The following EPHA5 variants were observed in gnomAD, a reference collection of about 807,000 sequenced individuals.
The protein encoded by EPHA5 is EPH receptor A5.
Under a neutral mutation model 105.0 loss-of-function variants are expected in EPHA5, and 60 were observed. The observed-to-expected ratio is 0.57, with a 90% CI of 0.46 to 0.71. EPHA5 has a LOEUF of 0.71. EPHA5 is among the 30% of genes least tolerant of loss of function. The pLI, the probability that EPHA5 is intolerant of heterozygous loss-of-function variation, is 0.00. For synonymous variants in EPHA5, 513 were observed against 449.1 expected (o/e 1.14, Z -1.80); for missense variants, 1,218 against 1,274.7 (o/e 0.96, Z 0.68).
intron 3 of EPHA5, among the ~76,000 whole-genome samples, chr4:65,532,798 C>T (rs186996893): frequency 7.9e-5 from 12 of 151,612 alleles, no homozygotes; most frequent in African/African-American, 2.9e-4. Flanking sequence ...ACTTTCAGAT[C>T]TCAAGTATTT....
At chr4:65,613,936 T>G (rs571233643) in intron 2 of EPHA5, among the ~76,000 whole-genome samples, 2 of 152,128 alleles carry the variant, frequency 1.3e-5, no homozygotes, top group Admixed American at 1.3e-4. Flanking sequence ...ATTTACAGAA[T>G]TTTTTATCTA....
rs568560646 is a variant in EPHA5 at position 65,588,538 on chromosome 4, C to T, written c.910+13103G>A. Among the ~76,000 whole-genome samples the T allele has an allele frequency of 1.9e-4, 29 of 152,204 alleles. No individual in the cohort carries two copies. The East Asian group carries it at 5.6e-3, about 30-fold the overall frequency. Reference sequence around the variant, plus strand: ...GGTTGCCCTTGGCTAAGACTTTCCCCTTCATCAGATTTTTACCAGAAGTCG... The same window carrying T: ...GGTTGCCCTTGGCTAAGACTTTCCCTTTCATCAGATTTTTACCAGAAGTCG... On this transcript the variant is annotated intron_variant, in intron 3 of 16. Coordinates refer to ENST00000613740, the MANE Select transcript of EPHA5 (RefSeq NM_001281766.3).
intron 3 of EPHA5, among the ~76,000 whole-genome samples, chr4:65,551,173 G>T (rs1737865057): frequency 1.7e-5 from 1 of 59,288 alleles, no homozygotes; most frequent in African/African-American, 7.9e-5. Context: ...CCAAACATAA[G>T]TAGGTTTGGA....
In EPHA5 at chr4:65,351,470, G is replaced by A. The variant is rs2148854653; in HGVS notation, c.2364C>T (p.Asn788=). The A allele has an allele frequency of 6.2e-7, 1 of 1,613,774 alleles. No individual in the cohort carries two copies. The highest frequency in any genetic ancestry group is 8.5e-7 in the Non-Finnish European group (1 of 1,179,836). Residue 788 remains asparagine (N), a synonymous_variant, in exon 13 of 17, where the codon AAC becomes AAT. Transcript: ENST00000613740. The part of the protein sequence containing the change: ...RDLAARNILI[N]SNLVCKVSDF... ...CAGACACTTTGCACACAAGGTTACT[G>A]TTGATTAAGATGTTTCTGGCAGCAA...
At position 65,496,536 on chromosome 4, in the gene EPHA5, A is replaced by G. The variant is rs539560704; in HGVS notation, c.911-993T>C. Among the ~76,000 whole-genome samples the G allele has an allele frequency of 5.9e-5, 9 of 151,810 alleles. No homozygotes were observed. In the South Asian group the frequency reaches 1.9e-3, roughly 32 times the overall value. ...AGAATGATGATTTCCAATTTCATCC[A>G]TGTCCCTACAAAGGACATGAACTCA... On this transcript the variant is annotated intron_variant, in intron 3 of 16. Transcript: ENST00000613740.
intron 8 of EPHA5, among the ~76,000 whole-genome samples, chr4:65,400,048 C>T (rs1236455280): frequency 6.6e-6 from 1 of 152,078 alleles, no homozygotes; most frequent in Non-Finnish European, 1.5e-5. Flanking sequence ...TATCAATAAT[C>T]ATATTTAAAG....
chr4:65,609,783 A>G (rs1419215541), intron 2 of EPHA5, among the ~76,000 whole-genome samples: 1 of 152,084 alleles, frequency 6.6e-6, no homozygotes, highest in Non-Finnish European at 1.5e-5. Context: ...TATCAGATAA[A>G]ATACACACAA....
rs1743778715 is a variant in EPHA5 at position 65,601,943 on chromosome 4, C to A, written c.608G>T (p.Gly203Val). Reference sequence around the variant, plus strand: ...ATAAAATCCCTTTTTGCTTAGAGGTCCTACATCTCTGACCTCTGTATTCAG... The same window carrying A: ...ATAAAATCCCTTTTTGCTTAGAGGTACTACATCTCTGACCTCTGTATTCAG... The part of the protein sequence containing the change: ...MKLNTEVRDV[G>V]PLSKKGFYLA... Residue 203 changes from glycine (G) to valine (V), a missense_variant, in exon 3 of 17, where the codon GGA becomes GTA. By Grantham distance (109) the Gly-to-Val change is moderately radical. Around this residue, in one of 3 missense-constraint regions of EPHA5, gnomAD observed 971 missense variants for 1,013.5 expected, o/e 0.96. Coordinates refer to ENST00000613740, the MANE Select transcript of EPHA5 (RefSeq NM_001281766.3). The A allele has an allele frequency of 6.2e-7, 1 of 1,614,004 alleles. No individual in the cohort carries two copies. The highest frequency in any genetic ancestry group is 8.5e-7 in the Non-Finnish European group (1 of 1,180,030).
At chr4:65,538,029 T>C (rs1736457716) in intron 3 of EPHA5, among the ~76,000 whole-genome samples, 1 of 151,710 alleles carries the variant, frequency 6.6e-6, no homozygotes, top group South Asian at 2.1e-4. Context: ...AAAAATAAAA[T>C]AACATTCCCT....
chr4:65,578,351 G>A (rs745826016), intron 3 of EPHA5, among the ~76,000 whole-genome samples: 19 of 152,054 alleles, frequency 1.2e-4, no homozygotes, highest in East Asian at 5.8e-4. Context: ...TTTCCATCTC[G>A]TTTTCTTCTA....
chr4:65,428,592 G>A (rs1578096585), intron 5 of EPHA5, among the ~76,000 whole-genome samples: 1 of 151,976 alleles, frequency 6.6e-6, no homozygotes, highest in Non-Finnish European at 1.5e-5. Context: ...CCAAAACCTG[G>A]CCTTAAATGT....
intron 2 of EPHA5, among the ~76,000 whole-genome samples, chr4:65,621,855 C>T: frequency 6.6e-6 from 1 of 151,982 alleles, no homozygotes; most frequent in East Asian, 1.9e-4. Flanking sequence ...CTACGTATGT[C>T]TGTGTGTCTG....
intron 6 of EPHA5, among the ~76,000 whole-genome samples, chr4:65,418,512 AT>A (rs1419626648): frequency 6.6e-6 from 1 of 152,142 alleles, no homozygotes; most frequent in Admixed American, 6.5e-5. Flanking sequence ...CTCTAAGAGC[AT>A]TTTTGGTGAA....
chr4:65,437,014 T>A (rs2149076589), intron 5 of EPHA5, among the ~76,000 whole-genome samples: 1 of 152,148 alleles, frequency 6.6e-6, no homozygotes, highest in South Asian at 2.1e-4. Context: ...GGTGTGCTAA[T>A]TTTTATAAGT....
Position 65,669,984 on chromosome 4 carries a change from A to G in EPHA5, c.-242T>C. ...AAATGAAATATTAGTTCTGGTTGCT[A>G]GTGCAGATCTGGACTCGGATCAAGG... On this transcript the variant is annotated 5_prime_UTR_variant, in exon 1 of 17. Transcript: ENST00000613740. The G allele has an allele frequency of 2.0e-6, 1 of 498,246 alleles. No homozygotes were observed. 30.9% of individuals were successfully genotyped at this position (498,246 alleles called of 1,614,324 possible).
Position 65,398,075 on chromosome 4 carries a change from C to A in EPHA5, c.1793+6299G>T, listed in dbSNP as rs532574464. Among the ~76,000 whole-genome samples, 3 of 152,286 alleles carry A rather than the reference C, an allele frequency of 2.0e-5. No individual in the cohort carries two copies. In the South Asian group the frequency reaches 6.2e-4, roughly 32 times the overall value. On this transcript the variant is annotated intron_variant, in intron 8 of 16. Coordinates refer to ENST00000613740, the MANE Select transcript of EPHA5 (RefSeq NM_001281766.3). ...GGGAGGAGCCCCACCCTCTTAAGTG[C>A]AGCTGCAGACACCCAGCCACAGCTG...
At chr4:65,623,566 A>C (rs1472311866) in intron 2 of EPHA5, among the ~76,000 whole-genome samples, 1 of 152,170 alleles carries the variant, frequency 6.6e-6, no homozygotes, top group Non-Finnish European at 1.5e-5. Context: ...GAGGAGATAC[A>C]GTGTTTCTCT....
At chr4:65,591,634 G>A (rs1742672935) in intron 3 of EPHA5, among the ~76,000 whole-genome samples, 2 of 151,466 alleles carry the variant, frequency 1.3e-5, no homozygotes, top group African/African-American at 4.8e-5. Flanking sequence ...TTCAGAGATT[G>A]TGATCAGAAA....
chr4:65,456,551 T>G (rs916970371), intron 5 of EPHA5, among the ~76,000 whole-genome samples: 11 of 152,298 alleles, frequency 7.2e-5, no homozygotes, highest in African/African-American at 2.6e-4. Context: ...ACATGCTGCT[T>G]AATTTATGAT....
Sources: gnomAD v4.1 joint callset for allele counts (sites outside exome capture counted in the v4.1 genomes callset) on GRCh38, gnomAD v4.1.1 for gene constraint, gnomAD v4.1.1 regional missense constraint, MANE v1.5 for transcripts, NCBI Gene and HGNC (gene_info 2026-07-23, HGNC 2026-07-21) for gene names.